NEK11: variants seen among roughly 807,000 people sequenced by gnomAD.
NEK11 encodes NIMA related kinase 11, also known as serine/threonine-protein kinase Nek11.
NEK11 carries 72 observed loss-of-function variants against 80.7 expected under a neutral mutation model. The observed-to-expected ratio is 0.89, with a 90% confidence interval of 0.74 to 1.08. The LOEUF (loss-of-function observed/expected upper bound fraction) is 1.08, where lower values mean the gene tolerates loss of function less well. NEK11 is among the 50% of genes least tolerant of loss of function. The pLI is 0.00. For missense variants in NEK11, 764 were observed against 763.6 expected (o/e 1.00, Z -0.01); for synonymous variants, 251 against 260.7 (o/e 0.96, Z 0.36).
chr3:131,344,995 T>G (rs1413490190), intron 17 of NEK11, among the ~76,000 whole-genome samples: 3 of 152,230 alleles, frequency 2.0e-5, no homozygotes, highest in Admixed American at 2.0e-4. Flanking sequence ...TTATTTCTGA[T>G]GCATCTGTTG....
intron 17 of NEK11, among the ~76,000 whole-genome samples, chr3:131,280,406 A>G (rs2096377663): frequency 6.6e-6 from 1 of 150,686 alleles, no homozygotes; most frequent in Admixed American, 6.6e-5. Flanking sequence ...TCTGTCTGTC[A>G]TTTTGGATAG....
intron 17 of NEK11, among the ~76,000 whole-genome samples, chr3:131,343,795 G>A (rs1170610496): frequency 2.6e-5 from 4 of 152,202 alleles, no homozygotes; most frequent in Admixed American, 2.6e-4. Context: ...GAGGAGCAGT[G>A]TCCCGAGGCT....
At chr3:131,292,269 A>G (rs2096551568) in intron 17 of NEK11, among the ~76,000 whole-genome samples, 4 of 152,132 alleles carry the variant, frequency 2.6e-5, no homozygotes, top group Admixed American at 2.6e-4. Flanking sequence ...GTTCTGTTTC[A>G]TTGATCTATT....
At chr3:131,117,435 T>C (rs977292996) in intron 5 of NEK11, among the ~76,000 whole-genome samples, 2 of 152,144 alleles carry the variant, frequency 1.3e-5, no homozygotes, top group African/African-American at 4.8e-5. Flanking sequence ...GTTCTTTTGG[T>C]TTAGGATTGT....
At chr3:131,112,759 C>G (rs1238572346) in intron 5 of NEK11, among the ~76,000 whole-genome samples, 2 of 152,122 alleles carry the variant, frequency 1.3e-5, no homozygotes, top group Non-Finnish European at 2.9e-5. Context: ...ATATAGGGAA[C>G]AGAGCACAGC....
In NEK11 at chr3:131,349,679, A is replaced by G. The variant is rs2097425484; in HGVS notation, c.1841A>G (p.Gln614Arg). 1.2e-6 allele frequency: 2 copies of G among 1,614,076 alleles called. No individual in the cohort carries two copies. The highest frequency in any genetic ancestry group is 1.3e-5 in the African/African-American group (1 of 74,928). ...GAGTGTTTGGAAAAAGTGGTGCCTC[A>G]AGCCAGCGACTGTTTTGAAGTGGAC... ...IRECLEKVVP[Q>R]ASDCFEVDQL... The change falls in exon 18 of 18, where the codon CAA (glutamine) becomes CGA (arginine). Residue 614 changes from glutamine (Q) to arginine (R), a missense_variant. Coordinates refer to ENST00000383366, the MANE Select transcript of NEK11 (RefSeq NM_024800.5).
At chr3:131,236,626 G>C (rs771648211) in intron 15 of NEK11, among the ~76,000 whole-genome samples, 1 of 152,194 alleles carries the variant, frequency 6.6e-6, no homozygotes, top group Non-Finnish European at 1.5e-5. Flanking sequence ...CAGTGAAAGA[G>C]GCTTTTAGTC....
At chr3:131,121,947 G>A (rs2149475530) in intron 5 of NEK11, among the ~76,000 whole-genome samples, 1 of 152,340 alleles carries the variant, frequency 6.6e-6, no homozygotes, top group Middle Eastern at 3.4e-3. Flanking sequence ...GTGAGGTGAT[G>A]CCCCGCCCTG....
intron 17 of NEK11, among the ~76,000 whole-genome samples, chr3:131,337,857 A>T (rs2097213586): frequency 6.6e-6 from 1 of 152,186 alleles, no homozygotes; most frequent in Admixed American, 6.5e-5. Context: ...CAGTTTCTTC[A>T]ACTGTGAAAC....
rs114061173 is a variant in NEK11, at chr3:131,259,354, G to A, written c.1622-14124G>A. Among the ~76,000 whole-genome samples the A allele has an allele frequency of 6.1e-3, 922 of 152,314 alleles. 11 individuals are homozygous for A. Among genetic ancestry groups the A allele is most frequent in the African/African-American group, 0.02 (849 of 41,566 alleles). On this transcript the variant is annotated intron_variant, in intron 16 of 17. Coordinates refer to ENST00000383366, the MANE Select transcript of NEK11 (RefSeq NM_024800.5). The stretch of plus-strand genomic sequence containing the variant: ...CCAATAAAATCAATTCTCTGAAAGA[G>A]CTGGGGATGGACAAGAAGTGGTAGG...
chr3:131,234,254 C>T (rs2095389895), intron 15 of NEK11, among the ~76,000 whole-genome samples: 1 of 152,196 alleles, frequency 6.6e-6, no homozygotes, highest in Admixed American at 6.5e-5. Context: ...GATTTATCTC[C>T]TCCTACTATG....
chr3:131,174,855 C>A, intron 14 of NEK11: 1 of 1,567,506 alleles, frequency 6.4e-7, no homozygotes, highest in Non-Finnish European at 8.6e-7. Context: ...GAGCATGACT[C>A]CCTACCCCAC....
intron 5 of NEK11, among the ~76,000 whole-genome samples, chr3:131,130,614 C>T (rs747425682): frequency 6.6e-6 from 1 of 152,110 alleles, no homozygotes; most frequent in Non-Finnish European, 1.5e-5. Context: ...GAGTTATTGT[C>T]ATGAATGGGT....
At chr3:131,340,685 C>T (rs749998309) in intron 17 of NEK11, among the ~76,000 whole-genome samples, 10 of 152,056 alleles carry the variant, frequency 6.6e-5, no homozygotes, top group Non-Finnish European at 1.3e-4. Flanking sequence ...ATTAGGGAAC[C>T]TTCCTTCAGG....
At position 131,188,016 on chromosome 3, in the gene NEK11, G is replaced by A. The variant is rs543338299; in HGVS notation, c.1399+17129G>A. On this transcript the variant is annotated intron_variant, in intron 14 of 17. Transcript: ENST00000383366. ...TAACAGTCATTAGTGACATCTAGGA[G>A]CAAATAAACAAACCCTGAGTTAATG... Among the ~76,000 whole-genome samples, 6 of 152,214 alleles carry A rather than the reference G, an allele frequency of 3.9e-5. No individual in the cohort carries two copies. In the South Asian group the frequency reaches 1.2e-3, roughly 32 times the overall value.
intron 4 of NEK11, among the ~76,000 whole-genome samples, chr3:131,108,130 T>C (rs1354261435): frequency 4.6e-5 from 7 of 152,156 alleles, no homozygotes; most frequent in Admixed American, 1.3e-4. Flanking sequence ...CTAGTGAATG[T>C]TTGCTATACT....
intron 14 of NEK11, among the ~76,000 whole-genome samples, chr3:131,181,715 C>T (rs1284977162): frequency 7.9e-6 from 1 of 125,816 alleles, no homozygotes; most frequent in Non-Finnish European, 1.5e-5. Flanking sequence ...CACTGCACTT[C>T]AGCCTGGGCG....
In NEK11 at chr3:131,029,875, A is replaced by G. The variant is rs765117679; in HGVS notation, c.167A>G (p.Glu56Gly). The change falls in exon 3 of 18, where the codon GAA becomes GGA. Residue 56 changes from glutamate (E) to glycine (G), a missense_variant. Glu to Gly is a moderately conservative substitution (Grantham distance 98, BLOSUM62 -2). Transcript: ENST00000383366. ...GACAAGAAAGCCAAACGAGGAGAGG[A>G]ATTGTAAGTAAAAATGCTTCCTATG... ...VSDKKAKRGE[E>G]LKVLKEISVG... 3.2e-5 allele frequency: 51 copies of G among 1,614,110 alleles called. No individual in the cohort carries two copies. In the East Asian group the frequency reaches 1.1e-3, roughly 36 times the overall value.
chr3:131,112,081 G>A (rs1208929147), intron 5 of NEK11, among the ~76,000 whole-genome samples: 1 of 152,126 alleles, frequency 6.6e-6, no homozygotes, highest in Non-Finnish European at 1.5e-5. Flanking sequence ...CTATTCCTAA[G>A]GGTAGAAATG....
Sources: gnomAD v4.1 joint callset for allele counts (sites outside exome capture counted in the v4.1 genomes callset) on GRCh38, gnomAD v4.1.1 for gene constraint, MANE v1.5 for transcripts, NCBI Gene and HGNC (gene_info 2026-07-23, HGNC 2026-07-21) for gene names.